HCN1: variants seen among roughly 807,000 people sequenced by gnomAD.
HCN1 encodes the protein hyperpolarization activated cyclic nucleotide gated potassium channel 1.
A neutral mutation model predicts 78.9 loss-of-function variants in HCN1; 13 were observed. The observed-to-expected ratio is 0.16, with a 90% CI of 0.11 to 0.26. The LOEUF (loss-of-function observed/expected upper bound fraction) is 0.26, where lower values mean the gene tolerates loss of function less well. Among genes scored for constraint, HCN1 ranks in the 10% least tolerant of loss-of-function variants. The pLI, the probability that HCN1 is intolerant of heterozygous loss-of-function variation, is 1.00. For missense variants in HCN1, 810 were observed against 1,154.3 expected, an observed-to-expected ratio of 0.70 and a Z score of 4.32; for synonymous variants, 552 against 455.5, an observed-to-expected ratio of 1.21 and a Z score of -2.70.
At chr5:45,626,223 T>G (rs1745160612) in intron 2 of HCN1, among the ~76,000 whole-genome samples, 1 of 152,248 alleles carries the variant, frequency 6.6e-6, no homozygotes, top group Admixed American at 6.5e-5. Flanking sequence ...TGAAAGACTA[T>G]TAATTTCAAT....
At chr5:45,330,307 A>T (rs1463083286) in intron 5 of HCN1, among the ~76,000 whole-genome samples, 1 of 151,302 alleles carries the variant, frequency 6.6e-6, no homozygotes, top group Non-Finnish European at 1.5e-5. Flanking sequence ...TAAGAAATTG[A>T]GCTTGGTCAA....
At chr5:45,382,194 C>T (rs1193557215) in intron 4 of HCN1, among the ~76,000 whole-genome samples, 1 of 152,200 alleles carries the variant, frequency 6.6e-6, no homozygotes, top group Non-Finnish European at 1.5e-5. Flanking sequence ...AATAGAGTAA[C>T]TCTCTTCCCT....
intron 2 of HCN1, among the ~76,000 whole-genome samples, chr5:45,609,243 T>G (rs1744785974): frequency 6.6e-6 from 1 of 152,064 alleles, no homozygotes; most frequent in African/African-American, 2.4e-5. Context: ...AGAAAAATCT[T>G]AGAAATGTAC....
At chr5:45,468,012 C>T (rs147954285) in intron 2 of HCN1, among the ~76,000 whole-genome samples, 1 of 152,098 alleles carries the variant, frequency 6.6e-6, no homozygotes, top group Non-Finnish European at 1.5e-5. Context: ...GCTATATGTA[C>T]ACATTTCCAG....
At chr5:45,288,284 G>A (rs1341941606) in intron 6 of HCN1, among the ~76,000 whole-genome samples, 2 of 151,974 alleles carry the variant, frequency 1.3e-5, no homozygotes, top group Non-Finnish European at 2.9e-5. Context: ...ATTGCTAAGT[G>A]CTTGGCCTTG....
At chr5:45,376,098 T>G (rs1456312361) in intron 4 of HCN1, among the ~76,000 whole-genome samples, 1 of 110,728 alleles carries the variant, frequency 9.0e-6, no homozygotes, top group African/African-American at 3.7e-5. Context: ...TTATATATAA[T>G]ATAATGTTTT....
chr5:45,299,941 GA>G (rs2111898874), intron 6 of HCN1, among the ~76,000 whole-genome samples: 2 of 151,904 alleles, frequency 1.3e-5, no homozygotes, highest in South Asian at 4.1e-4. Context: ...ATTACATCAA[GA>G]AAAAATAGTT....
intron 4 of HCN1, among the ~76,000 whole-genome samples, chr5:45,389,427 T>C (rs1459667801): frequency 1.3e-5 from 2 of 152,124 alleles, no homozygotes; most frequent in African/African-American, 4.8e-5. Flanking sequence ...ATTAATTTCC[T>C]AAAAAAATAA....
At chr5:45,389,547 G>A (rs1747998365) in intron 4 of HCN1, among the ~76,000 whole-genome samples, 2 of 152,238 alleles carry the variant, frequency 1.3e-5, no homozygotes, top group South Asian at 4.1e-4. Flanking sequence ...TGCTCACTAT[G>A]TGCCTAGCAT....
chr5:45,503,763 C>A (rs1000755623), intron 2 of HCN1, among the ~76,000 whole-genome samples: 5 of 151,540 alleles, frequency 3.3e-5, no homozygotes, highest in East Asian at 1.9e-4. Context: ...CCCCTCCCCC[C>A]ACGCCAACAC....
At chr5:45,304,547 G>T (rs1484477977) in intron 5 of HCN1, among the ~76,000 whole-genome samples, 1 of 151,996 alleles carries the variant, frequency 6.6e-6, no homozygotes, top group East Asian at 1.9e-4. Flanking sequence ...GTGCTGGTGG[G>T]TGCCTGTAAT....
At chr5:45,593,034 T>G (rs758168777) in intron 2 of HCN1, among the ~76,000 whole-genome samples, 16 of 152,228 alleles carry the variant, frequency 1.1e-4, no homozygotes, top group South Asian at 2.1e-4. Context: ...TAATAAAATA[T>G]CTACTTGTTT....
chr5:45,538,745 A>G (rs1008513370), intron 2 of HCN1, among the ~76,000 whole-genome samples: 1 of 152,218 alleles, frequency 6.6e-6, no homozygotes, highest in Admixed American at 6.5e-5. Flanking sequence ...TTGACATACC[A>G]ATAGAAAACA....
chr5:45,301,118 T>C (rs975458632), intron 6 of HCN1, among the ~76,000 whole-genome samples: 2 of 152,006 alleles, frequency 1.3e-5, no homozygotes, highest in Non-Finnish European at 2.9e-5. Context: ...TTCAAATATT[T>C]CCTAATAAAT....
intron 4 of HCN1, among the ~76,000 whole-genome samples, chr5:45,367,339 C>T (rs1281241663): frequency 6.6e-6 from 1 of 151,300 alleles, no homozygotes; most frequent in Non-Finnish European, 1.5e-5. Flanking sequence ...AAAAGAATTA[C>T]ACACATATAT....
At chr5:45,622,003 G>A (rs111598649) in intron 2 of HCN1, among the ~76,000 whole-genome samples, 2,407 of 152,072 alleles carry the variant, frequency 0.016, 34 homozygotes, top group Non-Finnish European at 0.026. Flanking sequence ...GGCAGATCAC[G>A]AGGTCAGGAG....
At chr5:45,370,754 C>T (rs1003593389) in intron 4 of HCN1, among the ~76,000 whole-genome samples, 26 of 151,952 alleles carry the variant, frequency 1.7e-4, no homozygotes, top group African/African-American at 6.3e-4. Flanking sequence ...ACATTTTCCC[C>T]TGATTGTAGA....
At chr5:45,473,643 G>A (rs1185626895) in intron 2 of HCN1, among the ~76,000 whole-genome samples, 2 of 150,422 alleles carry the variant, frequency 1.3e-5, no homozygotes, top group Non-Finnish European at 1.5e-5. Context: ...TTCTTCCTAG[G>A]ACTCTATGTC....
chr5:45,376,816 C>G (rs1446344865), intron 4 of HCN1, among the ~76,000 whole-genome samples: 1 of 151,892 alleles, frequency 6.6e-6, no homozygotes, highest in Non-Finnish European at 1.5e-5. Context: ...TGTGAATTAT[C>G]TGTCATATAT....
Sources: allele counts gnomAD v4.1 joint callset (sites outside exome capture counted in the v4.1 genomes callset), GRCh38; gene constraint gnomAD v4.1.1; transcripts MANE v1.5; gene names NCBI Gene and HGNC (gene_info 2026-07-23, HGNC 2026-07-21).